The following SNTG2 variants were observed in gnomAD, a reference collection of about 807,000 sequenced individuals.
SNTG2 encodes the protein gamma-2-syntrophin.
Under a neutral mutation model 70.9 loss-of-function variants are expected in SNTG2, and 74 were observed. That is an observed-to-expected ratio of 1.04 (90% CI 0.86 to 1.27). The LOEUF is 1.27. Ranked by LOEUF, SNTG2 falls within the 50% of genes most tolerant of loss-of-function variation. The pLI, the probability that SNTG2 is intolerant of heterozygous loss-of-function variation, is 0.00. For missense variants in SNTG2, 717 were observed against 690.7 expected (o/e 1.04, Z -0.43); for synonymous variants, 278 against 273.8 (o/e 1.02, Z -0.15).
rs867119459 is a variant in SNTG2 at position 1,143,895 on chromosome 2, A to C, written c.411+6086A>C. ...CTCAAACAACAAACAACCCCCCCCC[A>C]GAAAAAGAAAATATTATATTCAAAA... is the stretch of plus-strand genomic sequence containing the variant. On this transcript the variant is annotated intron_variant, in intron 6 of 16. Transcript: ENST00000308624. Among the ~76,000 whole-genome samples, 486 of 131,424 alleles carry C rather than the reference A, an allele frequency of 3.7e-3. 3 individuals are homozygous for C. The highest frequency in any genetic ancestry group is 0.013 in the African/African-American group (436 of 33,506). 86.2% of individuals were successfully genotyped at this position (131,424 alleles called of 152,430 possible). A position where few individuals can be genotyped will look rare whatever the true frequency, so the allele number is the denominator to read the frequency against.
chr2:1,205,060 G>GT (rs895164459), intron 8 of SNTG2, among the ~76,000 whole-genome samples: 5 of 151,938 alleles, frequency 3.3e-5, no homozygotes, highest in Non-Finnish European at 4.4e-5. Flanking sequence ...GGGTGATAAG[G>GT]TTTTTTTTAA....
chr2:1,055,156 C>G (rs1274724796), intron 1 of SNTG2, among the ~76,000 whole-genome samples: 2 of 152,220 alleles, frequency 1.3e-5, no homozygotes, highest in Non-Finnish European at 2.9e-5. Context: ...GTGGCCCTGA[C>G]TGCAGGGAGC....
At chr2:1,102,873 C>T (rs1665870389) in intron 4 of SNTG2, among the ~76,000 whole-genome samples, 1 of 152,236 alleles carries the variant, frequency 6.6e-6, no homozygotes, top group South Asian at 2.1e-4. Flanking sequence ...TGGAGCCAGG[C>T]AGCCCAGCTC....
chr2:1,128,454 T>C lies in SNTG2; in HGVS notation c.326-9168T>C, dbSNP rs139280785. 2.9e-3 allele frequency among the ~76,000 whole-genome samples: 440 copies of C among 152,330 alleles called. 2 individuals carry two copies. Among genetic ancestry groups the C allele is most frequent in the Non-Finnish European group, 4.7e-3 (319 of 68,024 alleles). ...GTGTTATTATGGAAGTTTTCTTCTT[T>C]CAACAGGCTTTGCAACATAATGAAT... On this transcript the variant is annotated intron_variant, in intron 4 of 16. Coordinates refer to ENST00000308624, the MANE Select transcript of SNTG2 (RefSeq NM_018968.4).
rs530624711 is a variant in SNTG2 at position 1,300,104 on chromosome 2, C to T, written c.1285-8390C>T. ...AATGAGGGCACTATTACCATCACCACTCTGAAGGGCATGCAAGAAGTGTGC... is the reference window on the plus strand; with the variant it reads ...AATGAGGGCACTATTACCATCACCATTCTGAAGGGCATGCAAGAAGTGTGC... On this transcript the variant is annotated intron_variant, in intron 14 of 16. Transcript: ENST00000308624. Among the ~76,000 whole-genome samples the T allele has an allele frequency of 7.9e-5, 12 of 152,090 alleles. No individual in the cohort carries two copies. The South Asian group carries it at 2.1e-3, about 26-fold the overall frequency.
At chr2:1,077,877 T>C (rs949235843) in intron 1 of SNTG2, among the ~76,000 whole-genome samples, 7 of 152,188 alleles carry the variant, frequency 4.6e-5, no homozygotes, top group Non-Finnish European at 1.0e-4. Flanking sequence ...TTTTTTGTTT[T>C]TTTTTCTCCA....
chr2:1,025,390 A>G (rs1364640720), intron 1 of SNTG2, among the ~76,000 whole-genome samples: 1 of 152,132 alleles, frequency 6.6e-6, no homozygotes, highest in Non-Finnish European at 1.5e-5. Context: ...GCACTTCTAG[A>G]ATTCCTATGA....
chr2:1,295,435 C>T (rs1680160865), intron 14 of SNTG2, among the ~76,000 whole-genome samples: 2 of 152,192 alleles, frequency 1.3e-5, no homozygotes, highest in South Asian at 2.1e-4. Context: ...TTAGTAACTT[C>T]AGTGTTTCTT....
intron 1 of SNTG2, among the ~76,000 whole-genome samples, chr2:1,071,518 G>A (rs1388682652): frequency 8.4e-6 from 1 of 119,312 alleles, no homozygotes; most frequent in Non-Finnish European, 1.7e-5. Flanking sequence ...GGGGGAGGGG[G>A]GAGGGATAGC....
chr2:1,122,938 T>G (rs2148292518), intron 4 of SNTG2, among the ~76,000 whole-genome samples: 1 of 150,894 alleles, frequency 6.6e-6, no homozygotes, highest in South Asian at 2.1e-4. Flanking sequence ...ATCAAAACAA[T>G]CCCATTTATT....
intron 12 of SNTG2, among the ~76,000 whole-genome samples, chr2:1,247,969 G>A (rs1452479744): frequency 6.6e-6 from 1 of 152,184 alleles, no homozygotes; most frequent in Admixed American, 6.5e-5. Flanking sequence ...TCCCCAAACT[G>A]ACTGAATGTA....
At chr2:1,124,461 A>AT (rs1331425191) in intron 4 of SNTG2, among the ~76,000 whole-genome samples, 4 of 151,502 alleles carry the variant, frequency 2.6e-5, no homozygotes, top group African/African-American at 4.9e-5. Flanking sequence ...CGCCCGGCTA[A>AT]TTTTTTTTGT....
intron 14 of SNTG2, among the ~76,000 whole-genome samples, chr2:1,304,483 T>G (rs1204989596): frequency 1.3e-5 from 2 of 152,090 alleles, no homozygotes; most frequent in African/African-American, 4.8e-5. Context: ...TCTCAGCACT[T>G]TGGGAGGCCA....
At chr2:1,296,780 G>T (rs1289694423) in intron 14 of SNTG2, among the ~76,000 whole-genome samples, 1 of 152,248 alleles carries the variant, frequency 6.6e-6, no homozygotes, top group East Asian at 1.9e-4. Context: ...GACCACCTTT[G>T]CTGAGAAAAT....
At chr2:1,352,793 G>A (rs899699118) in intron 16 of SNTG2, among the ~76,000 whole-genome samples, 3 of 152,076 alleles carry the variant, frequency 2.0e-5, no homozygotes, top group African/African-American at 7.2e-5. Context: ...TTTCTCATTT[G>A]AAAAATGAGG....
chr2:1,031,528 A>ATATATATATATATTTTTTTTTTTT, intron 1 of SNTG2, among the ~76,000 whole-genome samples: 10 of 59,114 alleles, frequency 1.7e-4, no homozygotes, highest in South Asian at 5.8e-4. Context: ...ATATATATAT[A>ATATATATATATATTTTTTTTTTTT]TTTTTTTTTT....
intron 8 of SNTG2, among the ~76,000 whole-genome samples, chr2:1,182,730 C>A (rs1671998081): frequency 6.6e-6 from 1 of 152,000 alleles, no homozygotes; most frequent in African/African-American, 2.4e-5. Context: ...AGTATTCCCC[C>A]CAAAAATAAT....
At position 1,024,090 on chromosome 2, in the gene SNTG2, G is replaced by A. The variant is rs11904018; in HGVS notation, c.73-59428G>A. 9.9e-3 allele frequency among the ~76,000 whole-genome samples: 1,501 copies of A among 152,252 alleles called. 23 individuals are homozygous for A. The highest frequency in any genetic ancestry group is 0.034 in the African/African-American group (1,432 of 41,538). The stretch of plus-strand genomic sequence containing the variant: ...GCTCTCGTGGAGGGGAAGTGGCTGC[G>A]GTAGACATGGGTATGGAATGGATGG... On this transcript the variant is annotated intron_variant, in intron 1 of 16. Transcript: ENST00000308624.
chr2:1,254,304 G>GGA (rs1416429594), intron 12 of SNTG2, among the ~76,000 whole-genome samples: 1 of 151,994 alleles, frequency 6.6e-6, no homozygotes, highest in Non-Finnish European at 1.5e-5. Flanking sequence ...ATTAAAGCCG[G>GGA]GACTCTCAAC....
Sources: allele counts gnomAD v4.1 joint callset (sites outside exome capture counted in the v4.1 genomes callset), GRCh38; gene constraint gnomAD v4.1.1; transcripts MANE v1.5; gene names NCBI Gene and HGNC (gene_info 2026-07-23, HGNC 2026-07-21).